ADH7: variants seen among roughly 807,000 people sequenced by gnomAD.
The protein encoded by ADH7 is all-trans-retinol dehydrogenase [NAD(+)] ADH7.
ADH7 carries 41 observed loss-of-function variants against 34.4 expected under a neutral mutation model. The ratio of observed to expected loss-of-function variants is 1.19; its 90% CI spans 0.93 to 1.55. The LOEUF (loss-of-function observed/expected upper bound fraction) is 1.55, where lower values mean the gene tolerates loss of function less well. Ranked by LOEUF, ADH7 falls within the 40% of genes most tolerant of loss-of-function variation. ADH7 has a pLI of 0.00. For synonymous variants in ADH7, 180 were observed against 160.9 expected (o/e 1.12, Z -0.90); for missense variants, 540 against 461.2 (o/e 1.17, Z -1.56).
chr4:99,415,405 G>A, intron 8 of ADH7, 73 bp downstream of exon 8: 1 of 1,425,150 alleles, frequency 7.0e-7, no homozygotes, highest in Non-Finnish European at 9.7e-7. Flanking sequence ...GAAGAAAACA[G>A]GCACATTTAT....
chr4:99,420,944 G>A, intron 5 of ADH7, 151 bp from the exon 6 acceptor site: 1 of 690,686 alleles, frequency 1.4e-6, no homozygotes, highest in Non-Finnish European at 2.4e-6. Context: ...CAACTTACAA[G>A]GGATGTGAAG....
At chr4:99,416,298 T>C (rs1413467914) in intron 7 of ADH7, among the ~76,000 whole-genome samples, 1 of 152,112 alleles carries the variant, frequency 6.6e-6, no homozygotes, top group Non-Finnish European at 1.5e-5. Flanking sequence ...ATCCTGTTCC[T>C]TTCCTCTCAC....
intron 1 of ADH7, 188 bp downstream of exon 1, chr4:99,435,028 C>T: frequency 6.5e-7 from 1 of 1,540,014 alleles, no homozygotes; most frequent in Non-Finnish European, 8.7e-7. Context: ...CCAACTTACC[C>T]CTGCTTCCAC....
At chr4:99,426,528 A>T (rs1167802258) in intron 5 of ADH7, among the ~76,000 whole-genome samples, 2 of 152,222 alleles carry the variant, frequency 1.3e-5, no homozygotes, top group Admixed American at 6.5e-5. Context: ...TGAATCTCTG[A>T]ATAGACCAAT....
rs1220079326 is a variant in ADH7 at position 99,419,031 on chromosome 4, T to C, written c.916A>G (p.Met306Val). The C allele has an allele frequency of 4.3e-6, 7 of 1,613,702 alleles. No homozygotes were observed. The South Asian group carries it at 5.5e-5, about 13-fold the overall frequency. The change falls in exon 7 of 9, where the codon ATG becomes GTG. Residue 306 changes from methionine (M) to valine (V), a missense_variant. By Grantham distance (21) the Met-to-Val change is conservative. Transcript: ENST00000437033. ...CATGTGCGTCCAGTGAAGAGCAACA[T>C]CGGGTCATAGGTGAGCATCTTGGCT... ...PSAKMLTYDPMLLFTGRTWKG... is the reference protein window; with the variant it reads ...PSAKMLTYDPVLLFTGRTWKG...
intron 6 of ADH7, 129 bp from the exon 7 acceptor site, chr4:99,419,250 T>TA: frequency 8.3e-7 from 1 of 1,208,050 alleles, no homozygotes. Flanking sequence ...TTACTTGCTT[T>TA]AAAAAAATTT....
rs113410254 is a variant in ADH7 at position 99,416,691 on chromosome 4, C to G, written c.962-1075G>C. ...TGACCTCCTCTGGTCTTGTGGCTTT[C>G]GATATACTCCTCTTAAAATACTTAG... On this transcript the variant is annotated intron_variant, in intron 7 of 8. Coordinates refer to ENST00000437033, the MANE Select transcript of ADH7 (RefSeq NM_000673.7). 9.2e-3 allele frequency among the ~76,000 whole-genome samples: 1,402 copies of G among 152,110 alleles called. 28 individuals are homozygous for G. Among genetic ancestry groups the G allele is most frequent in the African/African-American group, 0.032 (1,342 of 41,482 alleles).
chr4:99,430,641 C>T (rs561267834), intron 1 of ADH7, among the ~76,000 whole-genome samples: 3 of 152,188 alleles, frequency 2.0e-5, no homozygotes, highest in East Asian at 1.9e-4. Context: ...AACAGATGGG[C>T]GGCTGAAAGC....
intron 6 of ADH7, among the ~76,000 whole-genome samples, chr4:99,420,223 C>T (rs531589723): frequency 7.2e-4 from 110 of 152,248 alleles, no homozygotes; most frequent in African/African-American, 2.5e-3. Context: ...GAATTGCTTT[C>T]GCCAAGAAAT....
At chr4:99,427,628 A>T (rs1721838096) in intron 5 of ADH7, 145 bp downstream of exon 5, 1 of 479,846 alleles carries the variant, frequency 2.1e-6, no homozygotes, top group African/African-American at 2.0e-5. Flanking sequence ...CTTTTAGTTG[A>T]TTTGGCATTG....
rs1282836672 is a variant in ADH7 at position 99,418,986 on chromosome 4, C to T, written c.961G>A (p.Gly321Ser). The change falls in exon 7 of 9, where the codon GGT becomes AGT. Residue 321 changes from glycine (G) to serine (S), a missense_variant and splice_region_variant. Transcript: ENST00000437033. ...GRTWKGCVFG[G>S]LKSRDDVPKL... ...CATCCAGAGGCTTTGCTTTCCTGAC[C>T]TCCAAAGACACATCCCTTCCATGTG... is the stretch of plus-strand genomic sequence containing the variant. 2 of 1,613,462 alleles carry T rather than the reference C, an allele frequency of 1.2e-6. No individual in the cohort carries two copies. Among genetic ancestry groups the T allele is most frequent in the Non-Finnish European group, 8.5e-7 (1 of 1,179,640 alleles).
intron 8 of ADH7, among the ~76,000 whole-genome samples, chr4:99,413,804 G>C (rs761677855): frequency 3.9e-5 from 6 of 152,144 alleles, no homozygotes; most frequent in Non-Finnish European, 8.8e-5. Context: ...ATGAGATGAG[G>C]GATTCTGAAG....
At position 99,412,567 on chromosome 4, in the gene ADH7, A is replaced by T. The variant is rs1721431320; in HGVS notation, c.*581T>A. On this transcript the variant is annotated 3_prime_UTR_variant, in exon 9 of 9. Coordinates refer to ENST00000437033, the MANE Select transcript of ADH7 (RefSeq NM_000673.7). ...ATGATATACTTTTTCAGTTTCACCA[A>T]GTTATGTAATGATGATTCTTAATCG... The T allele has an allele frequency of 6.6e-6, 1 of 152,240 alleles. No individual in the cohort carries two copies. The highest frequency in any genetic ancestry group is 3.4e-3 in the Middle Eastern group (1 of 294). 9.4% of individuals were successfully genotyped at this position (152,240 alleles called of 1,614,324 possible). A position where few individuals can be genotyped will look rare whatever the true frequency, so the allele number is the denominator to read the frequency against.
At position 99,427,854 on chromosome 4, in the gene ADH7, A is replaced by G; in HGVS notation, c.483T>C (p.Asp161=). ...VVDESSVAKI[D]DAAPPEKVCL... is the part of the protein sequence containing the mutation. ...AGACTTTCTCAGGAGGAGCTGCATC[A>G]TCAATCTTAGCAACAGAAGATTCAT... Residue 161 remains aspartate, a synonymous_variant, in exon 5 of 9, where the codon GAT becomes GAC. Coordinates refer to ENST00000437033, the MANE Select transcript of ADH7 (RefSeq NM_000673.7). The G allele has an allele frequency of 6.2e-7, 1 of 1,613,288 alleles. No homozygotes were observed. The highest frequency in any genetic ancestry group is 8.5e-7 in the Non-Finnish European group (1 of 1,179,598).
chr4:99,435,081 A>G, intron 1 of ADH7, 135 bp downstream of exon 1: 1 of 1,548,592 alleles, frequency 6.5e-7, no homozygotes, highest in South Asian at 1.2e-5. Flanking sequence ...CCCTCACTGT[A>G]TGCCTGCTCA....
intron 1 of ADH7, among the ~76,000 whole-genome samples, chr4:99,430,465 C>G (rs1235738740): frequency 6.6e-6 from 1 of 152,166 alleles, no homozygotes; most frequent in Non-Finnish European, 1.5e-5. Flanking sequence ...CACCTTCCTA[C>G]CTCCCAATCT....
intron 6 of ADH7, among the ~76,000 whole-genome samples, chr4:99,419,839 T>C (rs1721607393): frequency 6.6e-6 from 1 of 152,228 alleles, no homozygotes; most frequent in Non-Finnish European, 1.5e-5. Context: ...GGACTATTTA[T>C]TCTTAAATTA....
At chr4:99,427,011 T>C (rs1229797) in intron 5 of ADH7, among the ~76,000 whole-genome samples, 80,557 of 151,934 alleles carry the variant, frequency 0.53, 22,021 homozygotes, top group Middle Eastern at 0.62. Context: ...AATTCAACAA[T>C]GCTTCATGCT....
chr4:99,430,304 T>A (rs1224154222), intron 1 of ADH7: 1 of 152,226 alleles, frequency 6.6e-6, no homozygotes, highest in African/African-American at 2.4e-5. Context: ...CATCTTATAG[T>A]AGTGGACACT....
Sources: gnomAD v4.1 joint callset for allele counts (sites outside exome capture counted in the v4.1 genomes callset) on GRCh38, gnomAD v4.1.1 for gene constraint, MANE v1.5 for transcripts, NCBI Gene and HGNC (gene_info 2026-07-23, HGNC 2026-07-21) for gene names.